Variants in MAN1B1 observed in about 807,000 individuals in gnomAD.
MAN1B1 encodes endoplasmic reticulum mannosyl-oligosaccharide 1,2-alpha-mannosidase.
A neutral mutation model predicts 75.5 loss-of-function variants in MAN1B1; 66 were observed. The ratio of observed to expected loss-of-function variants is 0.87; its 90% confidence interval spans 0.72 to 1.07. The LOEUF (loss-of-function observed/expected upper bound fraction) is 1.07, where lower values mean the gene tolerates loss of function less well. Among genes scored for constraint, MAN1B1 ranks in the 50% least tolerant of loss-of-function variants. MAN1B1 has a pLI of 0.00. For missense variants in MAN1B1, 973 were observed against 912.5 expected, an observed-to-expected ratio of 1.07 and a Z score of -0.85; for synonymous variants, 453 against 382.8, an observed-to-expected ratio of 1.18 and a Z score of -2.14.
intron 8 of MAN1B1, chr9:137,103,765 C>A (rs1830989195): frequency 2.2e-6 from 1 of 452,572 alleles, no homozygotes. Flanking sequence ...GGTGGTGTTA[C>A]ATTCACACTG....
At chr9:137,096,635 G>A (rs551787628) in intron 4 of MAN1B1, among the ~76,000 whole-genome samples, 4 of 152,336 alleles carry the variant, frequency 2.6e-5, no homozygotes, top group Non-Finnish European at 5.9e-5. Context: ...TTTTGTGTGC[G>A]TGTGAAGGGT....
At chr9:137,093,414 A>T (rs1830568199) in intron 3 of MAN1B1, among the ~76,000 whole-genome samples, 1 of 152,218 alleles carries the variant, frequency 6.6e-6, no homozygotes, top group South Asian at 2.1e-4. Context: ...CATCACAATC[A>T]CAAGAAAAGA....
intron 3 of MAN1B1, among the ~76,000 whole-genome samples, chr9:137,092,959 T>C (rs552816074): frequency 1.3e-5 from 2 of 152,326 alleles, no homozygotes; most frequent in African/African-American, 4.8e-5. Context: ...TTCCCTTTAT[T>C]ATTAGTATGA....
chr9:137,093,716 C>A (rs1263283137), intron 3 of MAN1B1, among the ~76,000 whole-genome samples: 1 of 151,914 alleles, frequency 6.6e-6, no homozygotes, highest in Non-Finnish European at 1.5e-5. Context: ...CACCTATAGT[C>A]CCAGCTACTC....
Position 137,088,981 on chromosome 9 carries a change from G to A in MAN1B1, c.441G>A (p.Glu147=), listed in dbSNP as rs886063727. Residue 147 remains glutamate, a synonymous_variant, in exon 3 of 13, where the codon GAG becomes GAA. Transcript: ENST00000371589. The part of the protein sequence containing the change: ...PAPQKADTDP[E]NLPEISSQKT... ...CTCAGAAGGCGGACACCGACCCTGA[G>A]AACTTACCTGAGATTTCGTCACAGG... is the stretch of plus-strand genomic sequence containing the variant. 7 of 1,614,006 alleles carry A rather than the reference G, an allele frequency of 4.3e-6. No homozygotes were observed. The highest frequency in any genetic ancestry group is 4.2e-6 in the Non-Finnish European group (5 of 1,180,014).
At chr9:137,095,866 T>A (rs1830637976) in intron 3 of MAN1B1, among the ~76,000 whole-genome samples, 2 of 152,200 alleles carry the variant, frequency 1.3e-5, no homozygotes, top group Admixed American at 1.3e-4. Flanking sequence ...GTAGTGAGGA[T>A]GTGGGTGCCT....
chr9:137,094,776 A>G (rs1830612508), intron 3 of MAN1B1, among the ~76,000 whole-genome samples: 1 of 152,122 alleles, frequency 6.6e-6, no homozygotes, highest in Non-Finnish European at 1.5e-5. Flanking sequence ...GCTACTCAGG[A>G]GTCTGAGGCA....
At chr9:137,106,845 C>T (rs1831128525) in intron 10 of MAN1B1, 36 bp downstream of exon 10, 1 of 1,609,182 alleles carries the variant, frequency 6.2e-7, no homozygotes, top group Non-Finnish European at 8.5e-7. Context: ...GCCGCCGCCC[C>T]TTTTACCTTG....
chr9:137,103,451 TAC>T (rs374022957), intron 8 of MAN1B1: 5 of 416,964 alleles, frequency 1.2e-5, no homozygotes, highest in Non-Finnish European at 1.9e-5. Flanking sequence ...TCGGTGGTGT[TAC>T]ACACAACGCT....
chr9:137,088,490 C>T (rs931513116), intron 2 of MAN1B1: 4 of 1,363,482 alleles, frequency 2.9e-6, no homozygotes, highest in Non-Finnish European at 4.0e-6. Flanking sequence ...TTTCGTAGCA[C>T]TCATTAGCGT....
intron 11 of MAN1B1, 22 bp downstream of exon 11, chr9:137,107,469 G>C (rs775837642): frequency 1.2e-6 from 2 of 1,613,242 alleles, no homozygotes; most frequent in Non-Finnish European, 1.7e-6. Context: ...CCTGGGTCAG[G>C]GTCCATCAGG....
In MAN1B1 at chr9:137,106,142, G is replaced by GTCTTCCC; in HGVS notation, c.1272_1273insTCTTCCC (p.Thr425SerfsTer45). On this transcript the variant is annotated frameshift_variant, in exon 9 of 13. Coordinates refer to ENST00000371589, the MANE Select transcript of MAN1B1 (RefSeq NM_016219.5). LOFTEE classifies it high-confidence loss of function. ...TGCCGCAGGAGGCAGTGGAGAAGGT[G>GTCTTCCC]ACACAGCACATCCACGGCCTGTCTG... 1 of 1,612,998 alleles carries GTCTTCCC rather than the reference G, an allele frequency of 6.2e-7. No individual in the cohort carries two copies. Among genetic ancestry groups the GTCTTCCC allele is most frequent in the Non-Finnish European group, 8.5e-7 (1 of 1,179,928 alleles).
chr9:137,102,959 T>C (rs944386154), intron 8 of MAN1B1: 1 of 424,562 alleles, frequency 2.4e-6, no homozygotes, highest in African/African-American at 2.4e-5. Flanking sequence ...GTTACACACA[T>C]TCACGCTTTT....
Position 137,106,692 on chromosome 9 carries a change from G to T in MAN1B1, c.1449G>T (p.Leu483=), listed in dbSNP as rs1220266711. The change falls in exon 10 of 13, where the codon CTG becomes CTT. Residue 483 remains leucine (L), a synonymous_variant. Transcript: ENST00000371589. ...AGATGACTGCTGGTGTCCACAGGCT[G>T]CTGGAAGACTACGTGGAAGCCATCG... The part of the protein sequence containing the change: ...WIQGGKQETQ[L]LEDYVEAIEG... 6.2e-7 allele frequency: 1 copy of T among 1,613,476 alleles called. No homozygotes were observed. The highest frequency in any genetic ancestry group is 8.5e-7 in the Non-Finnish European group (1 of 1,180,004).
At chr9:137,107,949 TC>T (rs1183044616) in intron 12 of MAN1B1, 4 of 633,592 alleles carry the variant, frequency 6.3e-6, no homozygotes, top group East Asian at 5.5e-5. Context: ...GGGCCCAGCA[TC>T]CCCCCAGTTT....
At chr9:137,106,445 A>G in intron 9 of MAN1B1, 130 bp downstream of exon 9, 1 of 1,028,586 alleles carries the variant, frequency 9.7e-7, no homozygotes, top group Non-Finnish European at 1.4e-6. Flanking sequence ...AGGAAACCGC[A>G]GCCGTGCCAG....
At chr9:137,106,019 C>T (rs746480260) in intron 8 of MAN1B1, 106 bp from the exon 9 acceptor site, 2 of 872,104 alleles carry the variant, frequency 2.3e-6, no homozygotes, top group South Asian at 2.8e-5. Flanking sequence ...TGCTGGGAGT[C>T]AGTCGGTGCT....
Position 137,087,595 on chromosome 9 carries a change from T to G in MAN1B1, c.219+377T>G, listed in dbSNP as rs538946088. On this transcript the variant is annotated intron_variant, in intron 1 of 12. Transcript: ENST00000371589. The stretch of plus-strand genomic sequence containing the variant: ...CAGTGAGAAATGAGCCCCTCTTGAT[T>G]GGCTCCTGGTCTGTTCGTGGTGGTC... 5.5e-3 allele frequency: 2,621 copies of G among 480,746 alleles called. 100 individuals are homozygous for G. The highest frequency in any genetic ancestry group is 0.043 in the South Asian group (2,527 of 59,212). 29.8% of individuals were successfully genotyped at this position (480,746 alleles called of 1,614,324 possible).
At position 137,103,450 on chromosome 9, in the gene MAN1B1, T is replaced by G. The variant is rs563670764; in HGVS notation, c.1254+1778T>G. 89 of 412,850 alleles carry G rather than the reference T, an allele frequency of 2.2e-4. 1 individual carries two copies. The highest frequency in any genetic ancestry group is 1.4e-3 in the South Asian group (84 of 60,080). 25.6% of individuals were successfully genotyped at this position (412,850 alleles called of 1,614,324 possible). On this transcript the variant is annotated intron_variant, in intron 8 of 12. Coordinates refer to ENST00000371589, the MANE Select transcript of MAN1B1 (RefSeq NM_016219.5). Reference sequence around the variant, plus strand: ...GGTGCAGGCATGCAGGTCGGTGGTGTTACACACAACGCTGTTGCAGGCGTG... The same window carrying G: ...GGTGCAGGCATGCAGGTCGGTGGTGGTACACACAACGCTGTTGCAGGCGTG...
Sources: gnomAD v4.1 joint callset for allele counts (sites outside exome capture counted in the v4.1 genomes callset) on GRCh38, gnomAD v4.1.1 for gene constraint, MANE v1.5 for transcripts, NCBI Gene and HGNC (gene_info 2026-07-23, HGNC 2026-07-21) for gene names.